The following CD2AP variants were observed in gnomAD, a reference collection of about 807,000 sequenced individuals.
CD2AP encodes CD2 associated protein, also known as CD2-associated protein.
In CD2AP, 46 loss-of-function variants were observed where a neutral mutation model predicts 85.1. The observed-to-expected ratio is 0.54, with a 90% CI of 0.43 to 0.69. The LOEUF (loss-of-function observed/expected upper bound fraction) is 0.69, where lower values mean the gene tolerates loss of function less well. CD2AP is among the 30% of genes least tolerant of loss of function. CD2AP has a pLI of 0.00. For missense variants in CD2AP, 769 were observed against 729.5 expected (o/e 1.05, Z -0.62); for synonymous variants, 255 against 252.9 (o/e 1.01, Z -0.08).
intron 10 of CD2AP, among the ~76,000 whole-genome samples, chr6:47,581,579 A>T (rs575453341): frequency 1.3e-5 from 2 of 152,276 alleles, no homozygotes; most frequent in South Asian, 4.2e-4. Flanking sequence ...CTTTTTATAT[A>T]GCTTTACTCT....
At position 47,542,683 on chromosome 6, in the gene CD2AP, A is replaced by G. The variant is rs1454395554; in HGVS notation, c.320-1923A>G. ...CTCCAGAAAAGTGAGAAGTAAATTTATACTATCTTCATTACCTAGTCTCAG... is the reference window on the plus strand; with the variant it reads ...CTCCAGAAAAGTGAGAAGTAAATTTGTACTATCTTCATTACCTAGTCTCAG... On this transcript the variant is annotated intron_variant, in intron 3 of 17. Transcript: ENST00000359314. Among the ~76,000 whole-genome samples, 4 of 152,324 alleles carry G rather than the reference A, an allele frequency of 2.6e-5. 1 individual carries two copies. The East Asian group carries it at 7.7e-4, about 29-fold the overall frequency.
At chr6:47,535,418 G>A (rs908420269) in intron 3 of CD2AP, among the ~76,000 whole-genome samples, 4 of 152,050 alleles carry the variant, frequency 2.6e-5, no homozygotes, top group Admixed American at 1.3e-4. Flanking sequence ...AATTTTTATA[G>A]AGTCCCCTTA....
intron 3 of CD2AP, among the ~76,000 whole-genome samples, chr6:47,534,297 A>T (rs1582526147): frequency 6.6e-6 from 1 of 152,184 alleles, no homozygotes; most frequent in East Asian, 1.9e-4. Flanking sequence ...AGATCATTTA[A>T]ACTGTTGAGT....
At chr6:47,595,777 T>C in intron 11 of CD2AP, 84 bp from the exon 12 acceptor site, 4 of 1,162,138 alleles carry the variant, frequency 3.4e-6, no homozygotes, top group Non-Finnish European at 3.8e-6. Context: ...TGTCACACTT[T>C]TCCAGCCTGA....
At chr6:47,519,473 A>C (rs1766529938) in intron 2 of CD2AP, among the ~76,000 whole-genome samples, 1 of 151,838 alleles carries the variant, frequency 6.6e-6, no homozygotes, top group Non-Finnish European at 1.5e-5. Context: ...CCTCTGTTTG[A>C]CTTCTTTTGA....
At chr6:47,502,825 G>A (rs868280338) in intron 1 of CD2AP, among the ~76,000 whole-genome samples, 1 of 151,972 alleles carries the variant, frequency 6.6e-6, no homozygotes, top group Non-Finnish European at 1.5e-5. Context: ...TGTCTGCCTC[G>A]GCCTCCCAAA....
At chr6:47,605,564 A>G (rs1367437228) in intron 13 of CD2AP, among the ~76,000 whole-genome samples, 2 of 151,916 alleles carry the variant, frequency 1.3e-5, no homozygotes, top group Admixed American at 6.6e-5. Context: ...AAACACAATA[A>G]TGTCTAAACA....
rs545109951 is a variant in CD2AP, at chr6:47,508,927, C to T, written c.165+5487C>T. Among the ~76,000 whole-genome samples, 10 of 152,230 alleles carry T rather than the reference C, an allele frequency of 6.6e-5. No homozygotes were observed. In the South Asian group the frequency reaches 1.0e-3, roughly 16 times the overall value. ...TAGCACTTTTAATTTCCTTCAAGACCTTTGTCTTTGTATTTGCAACTTGGC... is the reference window on the plus strand; with the variant it reads ...TAGCACTTTTAATTTCCTTCAAGACTTTTGTCTTTGTATTTGCAACTTGGC... On this transcript the variant is annotated intron_variant, in intron 2 of 17. Coordinates refer to ENST00000359314, the MANE Select transcript of CD2AP (RefSeq NM_012120.3).
At chr6:47,485,627 G>C (rs1235868036) in intron 1 of CD2AP, among the ~76,000 whole-genome samples, 1 of 152,122 alleles carries the variant, frequency 6.6e-6, no homozygotes, top group African/African-American at 2.4e-5. Flanking sequence ...AAAATCTATA[G>C]TAGTGTATAC....
intron 1 of CD2AP, among the ~76,000 whole-genome samples, chr6:47,493,001 A>G (rs1195764318): frequency 2.0e-5 from 3 of 152,232 alleles, no homozygotes; most frequent in East Asian, 1.9e-4. Context: ...TGCTGGTACC[A>G]TAGAGTATTC....
Position 47,626,580 on chromosome 6 carries a change from G to C in CD2AP, c.*2353G>C, listed in dbSNP as rs1197559189. 6.6e-6 allele frequency: 1 copy of C among 152,322 alleles called. No individual in the cohort carries two copies. Among genetic ancestry groups the C allele is most frequent in the Admixed American group, 6.6e-5 (1 of 15,244 alleles). 9.4% of individuals were successfully genotyped at this position (152,322 alleles called of 1,614,324 possible). A position where few individuals can be genotyped will look rare whatever the true frequency, so the allele number is the denominator to read the frequency against. On this transcript the variant is annotated 3_prime_UTR_variant, in exon 18 of 18. Coordinates refer to ENST00000359314, the MANE Select transcript of CD2AP (RefSeq NM_012120.3). ...TCATTAATTTCTGAATTGTATTTCA[G>C]TGTTATTTTTTGTTTGTGACCACTA... is the stretch of plus-strand genomic sequence containing the variant.
At chr6:47,621,425 T>C (rs1367372035) in intron 17 of CD2AP, among the ~76,000 whole-genome samples, 1 of 152,202 alleles carries the variant, frequency 6.6e-6, no homozygotes, top group East Asian at 1.9e-4. Context: ...CTTTTTGATA[T>C]GTTGTCAGAT....
At chr6:47,591,297 G>A (rs966908064) in intron 11 of CD2AP, among the ~76,000 whole-genome samples, 1 of 152,126 alleles carries the variant, frequency 6.6e-6, no homozygotes, top group Non-Finnish European at 1.5e-5. Flanking sequence ...TGTGGATCAT[G>A]TTCAGTTCTT....
intron 3 of CD2AP, among the ~76,000 whole-genome samples, chr6:47,533,987 ATT>A (rs1205092828): frequency 1.3e-5 from 2 of 152,194 alleles, no homozygotes; most frequent in South Asian, 2.1e-4. Flanking sequence ...CTGTTTTCTT[ATT>A]TATCTTTCAG....
chr6:47,531,001 G>C (rs1398617837), intron 2 of CD2AP, among the ~76,000 whole-genome samples: 2 of 152,000 alleles, frequency 1.3e-5, no homozygotes, highest in Non-Finnish European at 2.9e-5. Context: ...ACTAGTACCA[G>C]CACCCTGGGA....
intron 5 of CD2AP, 98 bp from the exon 6 acceptor site, chr6:47,573,966 G>T: frequency 1.9e-6 from 2 of 1,061,928 alleles, no homozygotes; most frequent in African/African-American, 1.6e-5. Flanking sequence ...TTTCTACTGT[G>T]TTTTATTAGA....
chr6:47,586,158 G>A (rs9395284), intron 11 of CD2AP, among the ~76,000 whole-genome samples: 51,700 of 151,906 alleles, frequency 0.34, 9,549 homozygotes, highest in Middle Eastern at 0.52. Context: ...TATGATAAAC[G>A]TTTCCCATGT....
rs142811741 is a variant in CD2AP, at chr6:47,584,399, T to C, written c.1108+2334T>C. Among the ~76,000 whole-genome samples, 218 of 149,704 alleles carry C rather than the reference T, an allele frequency of 1.5e-3. 1 individual carries two copies. The highest frequency in any genetic ancestry group is 1.2e-3 in the Non-Finnish European group (79 of 67,398). On this transcript the variant is annotated intron_variant, in intron 11 of 17. Coordinates refer to ENST00000359314, the MANE Select transcript of CD2AP (RefSeq NM_012120.3). ...TTTGAGTTAATTTTTGTGAAAGTTG[T>C]AAGGTCATTGTCTAGATTCATTTTT...
intron 2 of CD2AP, among the ~76,000 whole-genome samples, chr6:47,513,878 A>G (rs1766382611): frequency 6.9e-6 from 1 of 145,518 alleles, no homozygotes; most frequent in African/African-American, 2.5e-5. Context: ...CAGACTTTAA[A>G]AAAAATTTTT....
Sources: gnomAD v4.1 joint callset for allele counts (sites outside exome capture counted in the v4.1 genomes callset) on GRCh38, gnomAD v4.1.1 for gene constraint, MANE v1.5 for transcripts, NCBI Gene and HGNC (gene_info 2026-07-23, HGNC 2026-07-21) for gene names.